R3HDM1: variants seen among roughly 807,000 people sequenced by gnomAD.
The protein encoded by R3HDM1 is R3H domain-containing protein 1.
R3HDM1 carries 46 observed loss-of-function variants against 141.1 expected under a neutral mutation model. The observed-to-expected ratio is 0.33, with a 90% confidence interval of 0.26 to 0.42. The LOEUF is 0.42. R3HDM1 is among the 10% of genes least tolerant of loss of function. The pLI, the probability that R3HDM1 is intolerant of heterozygous loss-of-function variation, is 1.00. For missense variants in R3HDM1, 1,184 were observed against 1,368.3 expected, an observed-to-expected ratio of 0.87 and a Z score of 2.12; for synonymous variants, 435 against 472.9, an observed-to-expected ratio of 0.92 and a Z score of 1.04.
chr2:135,715,818 T>G, intron 24 of R3HDM1, 124 bp downstream of exon 24: 1 of 1,176,122 alleles, frequency 8.5e-7, no homozygotes, highest in African/African-American at 1.5e-5. Context: ...TCACCTACAC[T>G]CAGGCATGTC....
chr2:135,673,890 G>A (rs978522782), intron 19 of R3HDM1, among the ~76,000 whole-genome samples: 1 of 152,104 alleles, frequency 6.6e-6, no homozygotes, highest in Admixed American at 6.6e-5. Flanking sequence ...TTTGAGACAA[G>A]GGTCTTGCGC....
At chr2:135,681,092 A>G (rs982117932) in intron 21 of R3HDM1, among the ~76,000 whole-genome samples, 1 of 152,236 alleles carries the variant, frequency 6.6e-6, no homozygotes. Context: ...AAAGCAAGTC[A>G]TGAAGTATTC....
chr2:135,602,822 G>A, intron 2 of R3HDM1, 114 bp downstream of exon 2: 1 of 905,412 alleles, frequency 1.1e-6, no homozygotes, highest in Non-Finnish European at 1.5e-6. Context: ...CTTTGCAGCT[G>A]TTTGTTTTCG....
At chr2:135,704,053 T>TG (rs1334818141) in intron 21 of R3HDM1, among the ~76,000 whole-genome samples, 2 of 152,212 alleles carry the variant, frequency 1.3e-5, no homozygotes, top group African/African-American at 2.4e-5. Context: ...TGATCTCAGC[T>TG]CACTGCAACC....
intron 19 of R3HDM1, chr2:135,666,935 A>AAAAAT: frequency 3.7e-6 from 1 of 272,920 alleles, no homozygotes; most frequent in Non-Finnish European, 5.6e-6. Flanking sequence ...AAAAAAAAAA[A>AAAAAT]AGAAAACTAC....
chr2:135,545,834 A>T (rs1010182062), intron 1 of R3HDM1, among the ~76,000 whole-genome samples: 1 of 152,202 alleles, frequency 6.6e-6, no homozygotes, highest in African/African-American at 2.4e-5. Flanking sequence ...TAAACAAAAG[A>T]TGCCATAGTT....
intron 1 of R3HDM1, among the ~76,000 whole-genome samples, chr2:135,582,748 G>T (rs1300387219): frequency 6.6e-6 from 1 of 152,156 alleles, no homozygotes; most frequent in Non-Finnish European, 1.5e-5. Flanking sequence ...GTTAATAGGA[G>T]AATGTTGTAT....
intron 1 of R3HDM1, among the ~76,000 whole-genome samples, chr2:135,543,736 CGAA>C (rs1290235021): frequency 1.3e-5 from 2 of 152,116 alleles, no homozygotes; most frequent in Non-Finnish European, 2.9e-5. Context: ...CTGGCTTAAC[CGAA>C]GAAGATGGCT....
At chr2:135,615,390 G>C (rs1269096844) in intron 3 of R3HDM1, among the ~76,000 whole-genome samples, 1 of 152,038 alleles carries the variant, frequency 6.6e-6, no homozygotes, top group Non-Finnish European at 1.5e-5. Flanking sequence ...GTTGGGTTTG[G>C]GGAGGAAAAT....
At chr2:135,633,444 T>C (rs2062916232) in intron 9 of R3HDM1, among the ~76,000 whole-genome samples, 1 of 152,224 alleles carries the variant, frequency 6.6e-6, no homozygotes, top group African/African-American at 2.4e-5. Flanking sequence ...TTGAATTATA[T>C]GAATGATGTC....
rs374231545 is a variant in R3HDM1 at position 135,710,112 on chromosome 2, C to T, written c.2617C>T (p.Pro873Ser). 2 of 1,614,140 alleles carry T rather than the reference C, an allele frequency of 1.2e-6. No individual in the cohort carries two copies. The highest frequency in any genetic ancestry group is 1.6e-4 in the Middle Eastern group (1 of 6,062). The change falls in exon 23 of 27, where the codon CCA (proline) becomes TCA (serine). Residue 873 changes from proline to serine, a missense_variant. Physicochemically the swap from Pro to Ser is moderately conservative, Grantham distance 74 (BLOSUM62 -1). Around this residue, in one of 5 missense-constraint regions of R3HDM1, gnomAD observed 563 missense variants for 562.0 expected, o/e 1.00. Transcript: ENST00000683871. ...GATGGTGATGATGCAGCTCAGTGTACCAAACAATCCACAATCTTGTGCCCA... is the reference window on the plus strand; with the variant it reads ...GATGGTGATGATGCAGCTCAGTGTATCAAACAATCCACAATCTTGTGCCCA... Reference protein sequence around the residue: ...GGMVMMQLSVPNNPQSCAHSP... With the variant: ...GGMVMMQLSVSNNPQSCAHSP...
chr2:135,650,605 G>T, intron 17 of R3HDM1: 5 of 979,182 alleles, frequency 5.1e-6, no homozygotes, highest in Non-Finnish European at 6.1e-6. Context: ...AACAATATTT[G>T]ATCATATAAC....
At chr2:135,661,422 C>A in intron 19 of R3HDM1, 29 bp downstream of exon 19, 1 of 1,608,188 alleles carries the variant, frequency 6.2e-7, no homozygotes, top group Non-Finnish European at 8.5e-7. Context: ...GTCATAACTT[C>A]TGAGCCACAC....
chr2:135,554,244 A>G (rs1012804052), intron 1 of R3HDM1, among the ~76,000 whole-genome samples: 9 of 152,220 alleles, frequency 5.9e-5, no homozygotes, highest in Non-Finnish European at 1.3e-4. Flanking sequence ...TATTCTGGAC[A>G]TTTCATATAT....
intron 21 of R3HDM1, among the ~76,000 whole-genome samples, chr2:135,684,107 T>C (rs1253717559): frequency 6.6e-6 from 1 of 152,190 alleles, no homozygotes; most frequent in Non-Finnish European, 1.5e-5. Flanking sequence ...TTTTTTGTTG[T>C]TGAGACAGAG....
intron 18 of R3HDM1, among the ~76,000 whole-genome samples, chr2:135,657,679 T>A (rs2066102132): frequency 6.6e-6 from 1 of 152,062 alleles, no homozygotes; most frequent in Non-Finnish European, 1.5e-5. Flanking sequence ...GATAACCCAA[T>A]CAGAAGAGCA....
At chr2:135,647,771 T>C (rs929689345) in intron 16 of R3HDM1, among the ~76,000 whole-genome samples, 1 of 152,218 alleles carries the variant, frequency 6.6e-6, no homozygotes, top group Non-Finnish European at 1.5e-5. Context: ...CTACTTTTCT[T>C]AGACCTAACG....
At chr2:135,598,943 A>C (rs2059406074) in intron 1 of R3HDM1, among the ~76,000 whole-genome samples, 1 of 152,000 alleles carries the variant, frequency 6.6e-6, no homozygotes. Context: ...GTTCTATTTT[A>C]TTATACAGGA....
intron 1 of R3HDM1, among the ~76,000 whole-genome samples, chr2:135,535,603 T>A (rs766973236): frequency 2.4e-4 from 36 of 151,928 alleles, no homozygotes; most frequent in Non-Finnish European, 4.1e-4. Flanking sequence ...TTGTAAACTT[T>A]AAAAAAAATT....
Sources: allele counts gnomAD v4.1 joint callset (sites outside exome capture counted in the v4.1 genomes callset), GRCh38; gene constraint gnomAD v4.1.1; regional missense constraint gnomAD v4.1.1; transcripts MANE v1.5; gene names NCBI Gene and HGNC (gene_info 2026-07-23, HGNC 2026-07-21).